The following SLC25A21 variants were observed in gnomAD, a reference collection of about 807,000 sequenced individuals.
SLC25A21 encodes mitochondrial 2-oxodicarboxylate carrier.
SLC25A21 carries 47 observed loss-of-function variants against 43.8 expected under a neutral mutation model. The observed-to-expected ratio is 1.07, with a 90% CI of 0.85 to 1.37. The LOEUF is 1.37. Among genes scored for constraint, SLC25A21 ranks in the 40% most tolerant of loss-of-function variants. SLC25A21 has a pLI of 0.00. For missense variants in SLC25A21, 352 were observed against 350.2 expected, an observed-to-expected ratio of 1.00 and a Z score of -0.04; for synonymous variants, 131 against 121.3, an observed-to-expected ratio of 1.08 and a Z score of -0.52.
At chr14:36,985,949 T>C (rs1318727824) in intron 1 of SLC25A21, among the ~76,000 whole-genome samples, 1 of 152,170 alleles carries the variant, frequency 6.6e-6, no homozygotes, top group Admixed American at 6.6e-5. Context: ...TTTTCACATG[T>C]CTCCACCATT....
intron 1 of SLC25A21, among the ~76,000 whole-genome samples, chr14:37,016,905 C>T (rs1225331119): frequency 6.6e-6 from 1 of 152,096 alleles, no homozygotes; most frequent in Non-Finnish European, 1.5e-5. Flanking sequence ...AGCTTCCTCA[C>T]CTCTCTCAGC....
intron 1 of SLC25A21, among the ~76,000 whole-genome samples, chr14:36,900,793 G>C (rs1276574894): frequency 6.6e-6 from 1 of 152,178 alleles, no homozygotes; most frequent in African/African-American, 2.4e-5. Context: ...CAGAAATAGG[G>C]AAGACATAAT....
chr14:36,710,000 T>C (rs1313780678), intron 7 of SLC25A21, among the ~76,000 whole-genome samples: 8 of 152,198 alleles, frequency 5.3e-5, no homozygotes, highest in Non-Finnish European at 1.0e-4. Context: ...AAGCACATCC[T>C]GTGCTACTTT....
intron 1 of SLC25A21, among the ~76,000 whole-genome samples, chr14:37,154,013 G>GAAAACTGGGTGAGTGAAAAC (rs2138938419): frequency 6.6e-6 from 1 of 152,174 alleles, no homozygotes; most frequent in South Asian, 2.1e-4. Context: ...CACACTCTAT[G>GAAAACTGGGTGAGTGAAAAC]ACCCAGTTTA....
intron 6 of SLC25A21, among the ~76,000 whole-genome samples, chr14:36,712,803 G>T (rs1172839406): frequency 2.6e-5 from 4 of 152,160 alleles, no homozygotes; most frequent in Non-Finnish European, 4.4e-5. Context: ...AAAATTTTCT[G>T]AAGGTTAAAG....
rs577972386 is a variant in SLC25A21 at position 36,999,691 on chromosome 14, C to CT, written c.71-124688dup. Among the ~76,000 whole-genome samples the CT allele has an allele frequency of 2.0e-3, 303 of 151,310 alleles. 2 individuals carry two copies. Among genetic ancestry groups the CT allele is most frequent in the Non-Finnish European group, 3.6e-3 (241 of 67,756 alleles). On this transcript the variant is annotated intron_variant, in intron 1 of 9. Transcript: ENST00000331299. ...TAAAACTGCTCTTAAAAAGTAAAGT[C>CT]TTTTTTTTTAAAAGCCTAATTATTG...
At chr14:36,815,980 G>A (rs1301964367) in intron 2 of SLC25A21, among the ~76,000 whole-genome samples, 1 of 152,112 alleles carries the variant, frequency 6.6e-6, no homozygotes, top group Non-Finnish European at 1.5e-5. Context: ...TGAACGCAAC[G>A]TCTACTTCTA....
At chr14:36,776,688 T>C (rs916985928) in intron 3 of SLC25A21, among the ~76,000 whole-genome samples, 6 of 152,196 alleles carry the variant, frequency 3.9e-5, no homozygotes, top group Non-Finnish European at 7.3e-5. Context: ...TGTCTTCCAT[T>C]CTTCCAGGTG....
intron 1 of SLC25A21, among the ~76,000 whole-genome samples, chr14:37,135,888 A>C (rs1963472141): frequency 6.6e-6 from 1 of 152,202 alleles, no homozygotes; most frequent in African/African-American, 2.4e-5. Context: ...TTCTGCTCTT[A>C]TCTTAGAACA....
chr14:36,722,619 T>C (rs182498233), intron 6 of SLC25A21, among the ~76,000 whole-genome samples: 1 of 152,316 alleles, frequency 6.6e-6, no homozygotes, highest in African/African-American at 2.4e-5. Flanking sequence ...AAAATGAATA[T>C]ACTGGGTTAA....
chr14:36,754,475 C>T (rs891536248), intron 3 of SLC25A21, among the ~76,000 whole-genome samples: 1 of 152,220 alleles, frequency 6.6e-6, no homozygotes, highest in East Asian at 1.9e-4. Context: ...AAATAAGATT[C>T]GATGAGAGTT....
At chr14:36,816,334 A>G (rs1318756824) in intron 2 of SLC25A21, among the ~76,000 whole-genome samples, 1 of 152,136 alleles carries the variant, frequency 6.6e-6, no homozygotes, top group Non-Finnish European at 1.5e-5. Flanking sequence ...GAAAGGGAGT[A>G]TGGCAGGGAG....
chr14:37,156,039 A>G (rs1291250688), intron 1 of SLC25A21, among the ~76,000 whole-genome samples: 1 of 151,596 alleles, frequency 6.6e-6, no homozygotes, highest in African/African-American at 2.4e-5. Flanking sequence ...CATGTCTGTA[A>G]CCCCAGCTAC....
rs536611016 is a variant in SLC25A21, at chr14:36,941,742, T to C, written c.71-66738A>G. On this transcript the variant is annotated intron_variant, in intron 1 of 9. Transcript: ENST00000331299. ...GCTAATTATTGAAAAATTCAAATTT[T>C]TATCTCAAGAAGTAAATTAAAAATA... Among the ~76,000 whole-genome samples, 11 of 152,038 alleles carry C rather than the reference T, an allele frequency of 7.2e-5. No individual in the cohort carries two copies. In the East Asian group the frequency reaches 1.9e-3, roughly 27 times the overall value.
chr14:36,781,215 A>G (rs1195303304), intron 3 of SLC25A21, among the ~76,000 whole-genome samples: 1 of 152,100 alleles, frequency 6.6e-6, no homozygotes. Context: ...TGTGTCCTTA[A>G]AGCTAAAGTG....
In SLC25A21 at chr14:36,678,234, A is replaced by G; in HGVS notation, c.*2424T>C. ...GATGGCTAGATTAGTTAGGTTTTCA[A>G]ATCACTAGGATGTAAACAGTAAGCA... On this transcript the variant is annotated 3_prime_UTR_variant, in exon 10 of 10. Coordinates refer to ENST00000331299, the MANE Select transcript of SLC25A21 (RefSeq NM_030631.4). The G allele has an allele frequency of 3.8e-6, 2 of 525,876 alleles. No individual in the cohort carries two copies. Among genetic ancestry groups the G allele is most frequent in the Non-Finnish European group, 6.8e-6 (2 of 294,516 alleles). The allele number at this position is 525,876 out of a possible 1,614,324, so 32.6% of individuals were successfully genotyped here.
At chr14:37,073,649 G>T (rs995108870) in intron 1 of SLC25A21, among the ~76,000 whole-genome samples, 2 of 151,984 alleles carry the variant, frequency 1.3e-5, no homozygotes, top group African/African-American at 4.8e-5. Context: ...TTTCTGCCTC[G>T]ACCACCTCCA....
At chr14:37,108,399 AC>A (rs151060008) in intron 1 of SLC25A21, among the ~76,000 whole-genome samples, 3,763 of 152,278 alleles carry the variant, frequency 0.025, 127 homozygotes, top group Admixed American at 0.093. Flanking sequence ...TTATTACTGA[AC>A]CAGAAACTAT....
At chr14:37,058,095 G>A (rs1435191692) in intron 1 of SLC25A21, among the ~76,000 whole-genome samples, 3 of 152,082 alleles carry the variant, frequency 2.0e-5, no homozygotes, top group East Asian at 1.9e-4. Context: ...GATCCAAAAC[G>A]TTCAAAATTT....
Sources: gnomAD v4.1 joint callset for allele counts (sites outside exome capture counted in the v4.1 genomes callset) on GRCh38, gnomAD v4.1.1 for gene constraint, MANE v1.5 for transcripts, NCBI Gene and HGNC (gene_info 2026-07-23, HGNC 2026-07-21) for gene names.